TUBGCP3: variants seen among roughly 807,000 people sequenced by gnomAD.
The protein encoded by TUBGCP3 is gamma-tubulin complex component 3.
In TUBGCP3, 50 loss-of-function variants were observed where a neutral mutation model predicts 123.1. That is an observed-to-expected ratio of 0.41 (90% CI 0.32 to 0.51). TUBGCP3 has a LOEUF of 0.51. Ranked by LOEUF, TUBGCP3 falls within the 20% of genes least tolerant of loss-of-function variation. The probability of loss-of-function intolerance (pLI) is 0.36; values close to 1 mark genes in which losing one functional copy is unlikely to be tolerated. For synonymous variants in TUBGCP3, 405 were observed against 413.9 expected (o/e 0.98, Z 0.26); for missense variants, 882 against 1,127.0 (o/e 0.78, Z 3.11).
chr13:112,501,528 A>G (rs1875865427), intron 19 of TUBGCP3, among the ~76,000 whole-genome samples: 2 of 152,214 alleles, frequency 1.3e-5, no homozygotes, highest in Admixed American at 1.3e-4. Flanking sequence ...AAAAACACAA[A>G]AACATGCACA....
At chr13:112,558,100 C>G (rs1880193416) in intron 5 of TUBGCP3, 96 bp downstream of exon 5, 1 of 1,381,130 alleles carries the variant, frequency 7.2e-7, no homozygotes, top group Non-Finnish European at 9.7e-7. Flanking sequence ...TGAGGCCCCA[C>G]TGATACTGTG....
intron 1 of TUBGCP3, among the ~76,000 whole-genome samples, chr13:112,572,425 C>G (rs376912764): frequency 2.0e-5 from 3 of 152,116 alleles, no homozygotes; most frequent in African/African-American, 7.2e-5. Flanking sequence ...CCTCACCCCC[C>G]ACCCTCCAAC....
intron 20 of TUBGCP3, among the ~76,000 whole-genome samples, chr13:112,494,686 G>A (rs1166677281): frequency 5.9e-5 from 9 of 152,142 alleles, no homozygotes; most frequent in Middle Eastern, 3.2e-3. Context: ...TGTTCCCTCC[G>A]CAGTGTGTGA....
At chr13:112,589,031 A>G (rs1242588175), upstream of TUBGCP3, among the ~76,000 whole-genome samples, 3 of 152,210 alleles carry the variant, frequency 2.0e-5, no homozygotes, top group Non-Finnish European at 4.4e-5. Flanking sequence ...ACAGTCAACA[A>G]CTAGACCCTA....
At chr13:112,570,064 G>T (rs576942234) in intron 1 of TUBGCP3, among the ~76,000 whole-genome samples, 1 of 152,248 alleles carries the variant, frequency 6.6e-6, no homozygotes, top group South Asian at 2.1e-4. Flanking sequence ...AGACCTGGCT[G>T]CAAGTTTGGA....
rs1241249725 is a variant in TUBGCP3, at chr13:112,499,085, C to T, written c.2408G>A (p.Arg803Gln). Residue 803 changes from arginine to glutamine, a missense_variant, in exon 20 of 22, where the codon CGA (arginine) becomes CAA (glutamine). This residue lies in a region of TUBGCP3 where 160 missense variants were observed against 220.3 expected (regional missense o/e 0.73). Coordinates refer to ENST00000261965, the MANE Select transcript of TUBGCP3 (RefSeq NM_006322.6). The part of the protein sequence containing the change: ...YRAALEELQR[R>Q]LQFEEKKKQR... ...TTTCTTTTTCTCTTCAAACTGTAAT[C>T]GTCTCTGCAATTCTTCCAGAGCAGC... is the stretch of plus-strand genomic sequence containing the variant. The T allele has an allele frequency of 1.2e-6, 2 of 1,614,020 alleles. No homozygotes were observed. The highest frequency in any genetic ancestry group is 1.7e-6 in the Non-Finnish European group (2 of 1,180,034).
chr13:112,593,083 A>T (rs545753717), upstream of TUBGCP3, among the ~76,000 whole-genome samples: 5 of 152,316 alleles, frequency 3.3e-5, no homozygotes, highest in African/African-American at 9.6e-5. Flanking sequence ...TAGAAAAGGA[A>T]AACCAAATCA....
At chr13:112,557,517 C>T (rs545952253) in intron 5 of TUBGCP3, among the ~76,000 whole-genome samples, 16 of 152,236 alleles carry the variant, frequency 1.1e-4, no homozygotes, top group African/African-American at 2.9e-4. Flanking sequence ...ATGCGATTTC[C>T]GGGAACCAAC....
intron 18 of TUBGCP3, 133 bp downstream of exon 18, chr13:112,504,493 A>C: frequency 1.6e-6 from 1 of 633,702 alleles, no homozygotes; most frequent in Non-Finnish European, 2.4e-6. Context: ...CTCAAAAAAA[A>C]AAAAAAAGAA....
At chr13:112,567,386 C>T (rs539314380) in intron 2 of TUBGCP3, among the ~76,000 whole-genome samples, 16 of 152,306 alleles carry the variant, frequency 1.1e-4, no homozygotes, top group South Asian at 1.0e-3. Flanking sequence ...GTGTAATATG[C>T]TCACCACGAG....
At chr13:112,595,789 C>T in the TUBGCP3 span, among the ~76,000 whole-genome samples, 7 of 151,826 alleles carry the variant, frequency 4.6e-5, no homozygotes, top group Non-Finnish European at 8.8e-5. Flanking sequence ...ATATTTAGAC[C>T]ATTTACATTT....
At chr13:112,576,449 T>C (rs1881813421) in intron 1 of TUBGCP3, among the ~76,000 whole-genome samples, 1 of 152,090 alleles carries the variant, frequency 6.6e-6, no homozygotes, top group Admixed American at 6.6e-5. Flanking sequence ...TGACAATAGA[T>C]TGTGTACTTG....
At chr13:112,487,293 G>A (rs144692235) in intron 21 of TUBGCP3, among the ~76,000 whole-genome samples, 48 of 152,242 alleles carry the variant, frequency 3.2e-4, no homozygotes, top group African/African-American at 9.6e-4. Context: ...AGTCAATGGC[G>A]ATAACAGCCT....
intron 10 of TUBGCP3, chr13:112,546,108 G>A (rs1328326542): frequency 4.8e-6 from 2 of 412,836 alleles, no homozygotes; most frequent in Non-Finnish European, 8.7e-6. Context: ...TAGGACTGCT[G>A]AGGAATTTTT....
chr13:112,582,445 G>A (rs1882336794), intron 1 of TUBGCP3, among the ~76,000 whole-genome samples: 2 of 152,210 alleles, frequency 1.3e-5, no homozygotes. Context: ...GGAGGACCTC[G>A]TGAAGTAGAT....
chr13:112,569,751 G>T (rs552879630), intron 1 of TUBGCP3, among the ~76,000 whole-genome samples: 1 of 152,130 alleles, frequency 6.6e-6, no homozygotes, highest in Non-Finnish European at 1.5e-5. Context: ...TAAAATTGAG[G>T]ATAAAGGAGT....
chr13:112,558,058 G>C (rs887420272), intron 5 of TUBGCP3, 138 bp downstream of exon 5: 15 of 906,986 alleles, frequency 1.7e-5, no homozygotes, highest in Non-Finnish European at 2.4e-5. Context: ...GAGTGCATCG[G>C]ACACAGTGCC....
Position 112,509,479 on chromosome 13 carries a change from A to T in TUBGCP3, c.2087-4765T>A, listed in dbSNP as rs35149157. ...TTGAGTACTCAAACTCACACCTTTC[A>T]AAAGGTTTCTATAAGCAAGGTCAAT... On this transcript the variant is annotated intron_variant, in intron 17 of 21. Transcript: ENST00000261965. Among the ~76,000 whole-genome samples the T allele has an allele frequency of 5.5e-3, 833 of 152,340 alleles. 4 individuals carry two copies. Among genetic ancestry groups the T allele is most frequent in the Non-Finnish European group, 8.3e-3 (562 of 68,030 alleles).
In TUBGCP3 at chr13:112,558,206, G is replaced by A; in HGVS notation, c.538C>T (p.Leu180Phe). ...TCAGTGTGGCCTTACCCTGGGAGGA[G>A]AGATTGTGGCGCAGGCGCGGGGCCA... ...LSGPAPAPQS[L>F]LPGQSNQAPG... is the part of the protein sequence containing the mutation. Residue 180 changes from leucine to phenylalanine, a missense_variant, in exon 5 of 22, where the codon CTC becomes TTC. By Grantham distance (22) the Leu-to-Phe change is conservative (BLOSUM62 0). Coordinates refer to ENST00000261965, the MANE Select transcript of TUBGCP3 (RefSeq NM_006322.6). The A allele has an allele frequency of 1.2e-6, 2 of 1,610,428 alleles. No individual in the cohort carries two copies. Among genetic ancestry groups the A allele is most frequent in the Non-Finnish European group, 1.7e-6 (2 of 1,178,778 alleles).
Sources: gnomAD v4.1 joint callset for allele counts (sites outside exome capture counted in the v4.1 genomes callset) on GRCh38, gnomAD v4.1.1 for gene constraint, gnomAD v4.1.1 regional missense constraint, MANE v1.5 for transcripts, NCBI Gene and HGNC (gene_info 2026-07-23, HGNC 2026-07-21) for gene names.